Variants in ATP6V1H observed in about 807,000 individuals in gnomAD.
ATP6V1H encodes ATPase H+ transporting V1 subunit H.
In ATP6V1H, 39 loss-of-function variants were observed where a neutral mutation model predicts 71.7. The ratio of observed to expected loss-of-function variants is 0.54; its 90% CI spans 0.42 to 0.71. The LOEUF is 0.71. ATP6V1H is among the 30% of genes least tolerant of loss of function. ATP6V1H has a pLI of 0.00. For synonymous variants in ATP6V1H, 192 were observed against 199.3 expected (o/e 0.96, Z 0.31); for missense variants, 509 against 594.9 (o/e 0.86, Z 1.50).
rs567606565 is a variant in ATP6V1H, at chr8:53,787,815, T to C, written c.870+7832A>G. ...CAGAGACCTGGAGTACAGCATGCAC[T>C]ATGAATAAGTGAGATTGACATTTTC... On this transcript the variant is annotated intron_variant, in intron 9 of 13. Coordinates refer to ENST00000359530, the MANE Select transcript of ATP6V1H (RefSeq NM_015941.4). 4.6e-5 allele frequency among the ~76,000 whole-genome samples: 7 copies of C among 152,294 alleles called. No homozygotes were observed. In the South Asian group the frequency reaches 1.0e-3, roughly 23 times the overall value.
At chr8:53,842,009 A>T (rs1811358216) in intron 1 of ATP6V1H, among the ~76,000 whole-genome samples, 1 of 152,204 alleles carries the variant, frequency 6.6e-6, no homozygotes, top group East Asian at 1.9e-4. Context: ...GAAATCAGAA[A>T]TCATGATTAA....
intron 13 of ATP6V1H, among the ~76,000 whole-genome samples, chr8:53,730,004 T>A (rs1026050345): frequency 2.6e-5 from 4 of 152,162 alleles, no homozygotes; most frequent in Non-Finnish European, 5.9e-5. Flanking sequence ...AGCTAGAACA[T>A]CATGATGACA....
At chr8:53,787,972 G>T (rs1809437254) in intron 9 of ATP6V1H, among the ~76,000 whole-genome samples, 1 of 152,136 alleles carries the variant, frequency 6.6e-6, no homozygotes, top group South Asian at 2.1e-4. Context: ...TGAGTTTTAG[G>T]ATGTGTCTAT....
In ATP6V1H at chr8:53,814,703, T is replaced by G; in HGVS notation, c.484A>C (p.Asn162His). The G allele has an allele frequency of 1.9e-6, 3 of 1,612,494 alleles. No homozygotes were observed. The highest frequency in any genetic ancestry group is 2.7e-5 in the African/African-American group (2 of 74,978). Residue 162 changes from asparagine to histidine, a missense_variant, in exon 6 of 14, where the codon AAT (asparagine) becomes CAT (histidine). Around this residue, in one of 2 missense-constraint regions of ATP6V1H, gnomAD observed 297 missense variants for 303.3 expected, o/e 0.98. Transcript: ENST00000359530. ...GTTTTTATCCAATTGAAATAGTAAT[T>G]TAAGTCACTGCCTTCCATCAGTTCT... ...GKELMEGSDL[N>H]YYFNWIKTQL...
At chr8:53,751,489 G>A (rs879488958) in intron 12 of ATP6V1H, among the ~76,000 whole-genome samples, 2 of 152,158 alleles carry the variant, frequency 1.3e-5, no homozygotes, top group Non-Finnish European at 2.9e-5. Flanking sequence ...TTGAAGGAAG[G>A]AATAGGGAGT....
At chr8:53,755,616 C>A in intron 12 of ATP6V1H, among the ~76,000 whole-genome samples, 1 of 136,512 alleles carries the variant, frequency 7.3e-6, no homozygotes, top group East Asian at 2.1e-4. Context: ...CCAGTGCTCG[C>A]AAAATGGCTA....
At chr8:53,782,802 T>A (rs1381928500) in intron 9 of ATP6V1H, among the ~76,000 whole-genome samples, 5 of 152,222 alleles carry the variant, frequency 3.3e-5, no homozygotes, top group Non-Finnish European at 7.3e-5. Flanking sequence ...GAGATAATCA[T>A]GTGGTTTTTG....
intron 9 of ATP6V1H, among the ~76,000 whole-genome samples, chr8:53,778,482 C>T (rs1050864907): frequency 6.6e-6 from 1 of 152,126 alleles, no homozygotes; most frequent in African/African-American, 2.4e-5. Context: ...CACTTCATCC[C>T]CTCCTACCCT....
At chr8:53,766,754 T>G (rs1216242751) in intron 11 of ATP6V1H, among the ~76,000 whole-genome samples, 1 of 152,210 alleles carries the variant, frequency 6.6e-6, no homozygotes, top group Non-Finnish European at 1.5e-5. Flanking sequence ...TTCCCAGGCT[T>G]ATTAGGAAGA....
intron 7 of ATP6V1H, among the ~76,000 whole-genome samples, chr8:53,809,056 G>A (rs993161570): frequency 2.6e-5 from 4 of 152,164 alleles, no homozygotes; most frequent in African/African-American, 4.8e-5. Context: ...AATGCAACTT[G>A]AGGAATGCCT....
At position 53,801,682 on chromosome 8, in the gene ATP6V1H, G is replaced by T. The variant is rs1000135676; in HGVS notation, c.677+117C>A. On this transcript the variant is annotated intron_variant, in intron 8 of 13. Transcript: ENST00000359530. ...TCTAAAAAGCTTAGCATAGTCAATTGTTAAACAGATATGAAAAAAATAAAA... is the reference window on the plus strand; with the variant it reads ...TCTAAAAAGCTTAGCATAGTCAATTTTTAAACAGATATGAAAAAAATAAAA... 1.3e-5 allele frequency: 11 copies of T among 852,922 alleles called. No individual in the cohort carries two copies. In the African/African-American group the frequency reaches 1.4e-4, roughly 11 times the overall value. The allele number at this position is 852,922 out of a possible 1,614,324, so 52.8% of individuals were successfully genotyped here.
At chr8:53,781,158 C>G (rs1809112305) in intron 9 of ATP6V1H, among the ~76,000 whole-genome samples, 1 of 152,190 alleles carries the variant, frequency 6.6e-6, no homozygotes, top group South Asian at 2.1e-4. Flanking sequence ...GTCCCACCAA[C>G]AGTGTAAAAG....
At chr8:53,786,425 G>A (rs1809385685) in intron 9 of ATP6V1H, among the ~76,000 whole-genome samples, 1 of 152,132 alleles carries the variant, frequency 6.6e-6, no homozygotes, top group African/African-American at 2.4e-5. Flanking sequence ...AATTTTCCAG[G>A]TGCCGTCTGT....
intron 11 of ATP6V1H, among the ~76,000 whole-genome samples, chr8:53,767,257 T>C (rs1284080826): frequency 6.6e-6 from 1 of 152,192 alleles, no homozygotes; most frequent in Non-Finnish European, 1.5e-5. Flanking sequence ...AGTTCATCAA[T>C]TGTAACAAAT....
At chr8:53,753,772 T>C (rs576594192) in intron 12 of ATP6V1H, among the ~76,000 whole-genome samples, 3 of 152,318 alleles carry the variant, frequency 2.0e-5, no homozygotes, top group African/African-American at 4.8e-5. Flanking sequence ...TAATTTTCCA[T>C]AGTAAAACCA....
chr8:53,793,176 CATT>C (rs1174046143), intron 9 of ATP6V1H, among the ~76,000 whole-genome samples: 1 of 152,148 alleles, frequency 6.6e-6, no homozygotes, highest in Admixed American at 6.5e-5. Context: ...CAGCCTCATT[CATT>C]ATTAACGGAA....
intron 4 of ATP6V1H, among the ~76,000 whole-genome samples, 178 bp downstream of exon 4, chr8:53,829,266 T>G (rs1011901236): frequency 1.3e-5 from 2 of 152,224 alleles, no homozygotes; most frequent in Admixed American, 1.3e-4. Flanking sequence ...AGCCTGTGTG[T>G]GGGTATCTCT....
intron 2 of ATP6V1H, among the ~76,000 whole-genome samples, chr8:53,840,473 G>A (rs1811309224): frequency 6.6e-6 from 1 of 151,414 alleles, no homozygotes; most frequent in African/African-American, 2.4e-5. Flanking sequence ...ACTCCAGCCT[G>A]GGCAACAGAG....
At chr8:53,835,782 T>G (rs1811139849) in intron 2 of ATP6V1H, among the ~76,000 whole-genome samples, 1 of 152,208 alleles carries the variant, frequency 6.6e-6, no homozygotes, top group African/African-American at 2.4e-5. Context: ...GGTGACACTA[T>G]GACTACATCT....
Sources: gnomAD v4.1 joint callset for allele counts (sites outside exome capture counted in the v4.1 genomes callset) on GRCh38, gnomAD v4.1.1 for gene constraint, gnomAD v4.1.1 regional missense constraint, MANE v1.5 for transcripts, NCBI Gene and HGNC (gene_info 2026-07-23, HGNC 2026-07-21) for gene names.